The following BTBD9 variants were observed in gnomAD, a reference collection of about 807,000 sequenced individuals.
The protein encoded by BTBD9 is BTB/POZ domain-containing protein 9.
A neutral mutation model predicts 64.3 loss-of-function variants in BTBD9; 49 were observed. The observed-to-expected ratio is 0.76, with a 90% CI of 0.61 to 0.97. The LOEUF (loss-of-function observed/expected upper bound fraction) is 0.97. BTBD9 is among the 50% of genes least tolerant of loss of function. The pLI is 0.00. For missense variants in BTBD9, 598 were observed against 762.1 expected (o/e 0.78, Z 2.53); for synonymous variants, 260 against 274.7 (o/e 0.95, Z 0.53).
chr6:38,298,477 A>G (rs1222788609), intron 7 of BTBD9, among the ~76,000 whole-genome samples: 1 of 152,186 alleles, frequency 6.6e-6, no homozygotes, highest in Non-Finnish European at 1.5e-5. Flanking sequence ...CCTCGCCTCA[A>G]GTATTTGTTG....
At chr6:38,359,470 G>C (rs1764867914) in intron 6 of BTBD9, among the ~76,000 whole-genome samples, 1 of 152,202 alleles carries the variant, frequency 6.6e-6, no homozygotes, top group Admixed American at 6.5e-5. Context: ...CCTGTCAGAA[G>C]CACAAGCCAT....
chr6:38,386,663 G>A (rs1179999681), intron 6 of BTBD9, among the ~76,000 whole-genome samples: 2 of 145,308 alleles, frequency 1.4e-5, no homozygotes, highest in African/African-American at 5.1e-5. Flanking sequence ...GGAGTGGGGG[G>A]CCAGGGTCTT....
intron 4 of BTBD9, among the ~76,000 whole-genome samples, chr6:38,583,851 G>A (rs1776397674): frequency 6.6e-6 from 1 of 152,116 alleles, no homozygotes. Flanking sequence ...AACTATATGA[G>A]TATCTCATTG....
intron 3 of BTBD9, among the ~76,000 whole-genome samples, chr6:38,593,102 T>C (rs2127492112): frequency 6.6e-6 from 1 of 152,372 alleles, no homozygotes; most frequent in Non-Finnish European, 1.5e-5. Flanking sequence ...GCATTCATCT[T>C]TTTTAAAACA....
chr6:38,256,477 G>A lies in BTBD9; in HGVS notation c.1494C>T (p.Tyr498=), dbSNP rs1764583242. ...LWDCDDRSYS[Y]YVEVSTNQQQ... is the part of the protein sequence containing the mutation. ...GCTGGTTGGTAGAAACCTCAACGTA[G>A]TAGCTATAGCTTCGATCATCACAAT... is the stretch of plus-strand genomic sequence containing the variant. The change falls in exon 9 of 11, where the codon TAC becomes TAT. Residue 498 remains tyrosine (Y), a synonymous_variant. Transcript: ENST00000481247. The A allele has an allele frequency of 1.2e-6, 2 of 1,614,034 alleles. No individual in the cohort carries two copies. Among genetic ancestry groups the A allele is most frequent in the Non-Finnish European group, 1.7e-6 (2 of 1,179,918 alleles).
At chr6:38,572,738 G>T (rs1449110083) in intron 6 of BTBD9, among the ~76,000 whole-genome samples, 1 of 150,096 alleles carries the variant, frequency 6.7e-6, no homozygotes, top group Non-Finnish European at 1.5e-5. Flanking sequence ...TATCCTGACT[G>T]TATTAAATAC....
intron 6 of BTBD9, among the ~76,000 whole-genome samples, chr6:38,428,562 T>C (rs1768286879): frequency 6.6e-6 from 1 of 151,678 alleles, no homozygotes; most frequent in East Asian, 1.9e-4. Context: ...CCATGACTTG[T>C]TTCTCTTTGT....
intron 1 of BTBD9, among the ~76,000 whole-genome samples, chr6:38,621,084 G>C (rs1235636576): frequency 2.6e-5 from 4 of 152,216 alleles, no homozygotes; most frequent in Non-Finnish European, 5.9e-5. Flanking sequence ...TAGTAGCAAA[G>C]AGCTGGCCTC....
chr6:38,222,305 G>C (rs370270755), intron 9 of BTBD9, among the ~76,000 whole-genome samples: 2 of 116,180 alleles, frequency 1.7e-5, no homozygotes, highest in East Asian at 6.5e-4. Flanking sequence ...CTGTCACCCA[G>C]GCTGGAATGC....
rs1044750699 is a variant in BTBD9 at position 38,169,797 on chromosome 6, C to T, written c.*5188G>A. 1.4e-5 allele frequency: 2 copies of T among 141,686 alleles called. No homozygotes were observed. Among genetic ancestry groups the T allele is most frequent in the African/African-American group, 2.5e-5 (1 of 39,466 alleles). The allele number at this position is 141,686 out of a possible 1,614,324, so 8.8% of individuals were successfully genotyped here. On this transcript the variant is annotated 3_prime_UTR_variant, in exon 11 of 11. Transcript: ENST00000481247. ...GCCCATTCAGGGCTATAAATACTCA[C>T]GGACGCAAATGGTAAATGCTCCCAG...
chr6:38,384,042 C>T (rs950233981), intron 6 of BTBD9, among the ~76,000 whole-genome samples: 3 of 152,142 alleles, frequency 2.0e-5, no homozygotes, highest in African/African-American at 7.2e-5. Flanking sequence ...CAGCATAGGG[C>T]TCGGTGGGAA....
intron 6 of BTBD9, among the ~76,000 whole-genome samples, chr6:38,435,646 T>C (rs74728962): frequency 3.8e-4 from 27 of 71,372 alleles, no homozygotes; most frequent in South Asian, 2.0e-3. Flanking sequence ...CCCTCCCTCC[T>C]TCCTTCCTTC....
chr6:38,479,925 C>A (rs961889277), intron 6 of BTBD9, among the ~76,000 whole-genome samples: 4 of 151,962 alleles, frequency 2.6e-5, no homozygotes, highest in Admixed American at 6.6e-5. Context: ...GAAAGGGTTC[C>A]GTCATGTTGC....
intron 6 of BTBD9, among the ~76,000 whole-genome samples, chr6:38,418,582 G>T (rs768399580): frequency 2.0e-5 from 3 of 152,138 alleles, no homozygotes; most frequent in Non-Finnish European, 2.9e-5. Context: ...TCTCCTTATG[G>T]CAGTATTGCT....
chr6:38,451,536 C>T (rs1391806935), intron 6 of BTBD9, among the ~76,000 whole-genome samples: 7 of 152,140 alleles, frequency 4.6e-5, no homozygotes. Flanking sequence ...ACCTTAAATA[C>T]ATATCTTAAT....
In BTBD9 at chr6:38,625,821, C is replaced by T. The variant is rs190793166; in HGVS notation, c.-28+13979G>A. Among the ~76,000 whole-genome samples, 261 of 152,272 alleles carry T rather than the reference C, an allele frequency of 1.7e-3. 1 individual carries two copies. The highest frequency in any genetic ancestry group is 5.9e-3 in the African/African-American group (245 of 41,550). Reference sequence around the variant, plus strand: ...CTCATTTAGAAAATGGTCGCTGCCCCTAAAGGGTAACTATGAGGATAAAAT... The same window carrying T: ...CTCATTTAGAAAATGGTCGCTGCCCTTAAAGGGTAACTATGAGGATAAAAT... On this transcript the variant is annotated intron_variant, in intron 1 of 10. Transcript: ENST00000481247.
intron 6 of BTBD9, among the ~76,000 whole-genome samples, chr6:38,373,371 G>C (rs1765504668): frequency 6.6e-6 from 1 of 152,082 alleles, no homozygotes; most frequent in South Asian, 2.1e-4. Context: ...CTGAATATAA[G>C]AATTATGATT....
chr6:38,396,150 G>C (rs188119663), intron 6 of BTBD9, among the ~76,000 whole-genome samples: 1 of 152,156 alleles, frequency 6.6e-6, no homozygotes, highest in African/African-American at 2.4e-5. Context: ...TTAATGAAAT[G>C]ATATTAGCCT....
chr6:38,287,656 C>A (rs1174871604), intron 8 of BTBD9, among the ~76,000 whole-genome samples: 1 of 152,166 alleles, frequency 6.6e-6, no homozygotes, highest in Non-Finnish European at 1.5e-5. Flanking sequence ...TGTAAGGACA[C>A]TCTATGATGT....
Sources: allele counts gnomAD v4.1 joint callset (sites outside exome capture counted in the v4.1 genomes callset), GRCh38; gene constraint gnomAD v4.1.1; transcripts MANE v1.5; gene names NCBI Gene and HGNC (gene_info 2026-07-23, HGNC 2026-07-21).